Variants in CCDC30 observed in about 807,000 individuals in gnomAD.
The protein encoded by CCDC30 is coiled-coil domain-containing protein 30.
Under a neutral mutation model 100.2 loss-of-function variants are expected in CCDC30, and 70 were observed. The ratio of observed to expected loss-of-function variants is 0.70; its 90% confidence interval spans 0.58 to 0.85. The LOEUF (loss-of-function observed/expected upper bound fraction) is 0.85. Ranked by LOEUF, CCDC30 falls within the 40% of genes least tolerant of loss-of-function variation. CCDC30 has a pLI of 0.00. For missense variants in CCDC30, 652 were observed against 771.2 expected (o/e 0.85, Z 1.83); for synonymous variants, 233 against 269.5 (o/e 0.86, Z 1.33).
At chr1:42,480,070 C>A (rs2148453438) in intron 1 of CCDC30, among the ~76,000 whole-genome samples, 1 of 152,114 alleles carries the variant, frequency 6.6e-6, no homozygotes, top group South Asian at 2.1e-4. Context: ...TGAAAGATGT[C>A]AAGGCAATAT....
chr1:42,645,451 T>A (rs1647808008), intron 14 of CCDC30, among the ~76,000 whole-genome samples: 1 of 151,998 alleles, frequency 6.6e-6, no homozygotes, highest in East Asian at 1.9e-4. Context: ...AGGTCCATAG[T>A]CTGTCTGGTA....
chr1:42,563,711 T>A (rs576618098), intron 6 of CCDC30, among the ~76,000 whole-genome samples: 3 of 152,262 alleles, frequency 2.0e-5, no homozygotes, highest in African/African-American at 7.2e-5. Context: ...ACCCCGTCTC[T>A]ACTAAAAATA....
At chr1:42,522,472 ACTTTT>A (rs1644663270) in intron 6 of CCDC30, among the ~76,000 whole-genome samples, 1 of 152,160 alleles carries the variant, frequency 6.6e-6, no homozygotes, top group Admixed American at 6.6e-5. Context: ...ATAGTAAAAC[ACTTTT>A]CTTTTCTTCT....
intron 6 of CCDC30, among the ~76,000 whole-genome samples, chr1:42,529,407 G>A (rs562815942): frequency 6.6e-6 from 1 of 152,176 alleles, no homozygotes; most frequent in African/African-American, 2.4e-5. Context: ...AGAAGACAGA[G>A]GTTGCAGTGA....
At chr1:42,563,243 G>GTA (rs1645532102) in intron 6 of CCDC30, among the ~76,000 whole-genome samples, 1 of 152,186 alleles carries the variant, frequency 6.6e-6, no homozygotes, top group Non-Finnish European at 1.5e-5. Context: ...AGGAAATGTG[G>GTA]TATATATACA....
intron 3 of CCDC30, among the ~76,000 whole-genome samples, chr1:42,487,308 G>A (rs1216637151): frequency 1.3e-5 from 2 of 152,008 alleles, no homozygotes; most frequent in East Asian, 1.9e-4. Flanking sequence ...AATTTTTAAG[G>A]TATGTAAACT....
chr1:42,574,191 A>G (rs1266457889), intron 7 of CCDC30, among the ~76,000 whole-genome samples: 2 of 151,966 alleles, frequency 1.3e-5, no homozygotes, highest in African/African-American at 2.4e-5. Flanking sequence ...AGTTACAATG[A>G]TTTCTTCTTA....
At chr1:42,521,344 A>T (rs1644643543) in intron 6 of CCDC30, 1 of 154,596 alleles carries the variant, frequency 6.5e-6, no homozygotes, top group Non-Finnish European at 1.5e-5. Flanking sequence ...TGTGTTGTTT[A>T]GTTTCTACAA....
intron 6 of CCDC30, among the ~76,000 whole-genome samples, 197 bp from the exon 9 acceptor site, chr1:42,545,213 A>C: frequency 7.2e-6 from 1 of 138,988 alleles, no homozygotes; most frequent in African/African-American, 2.6e-5. Context: ...CCTTATGCCT[A>C]TGGTAAAAAA....
intron 6 of CCDC30, among the ~76,000 whole-genome samples, chr1:42,565,739 ATG>A (rs149539237): frequency 4.6e-5 from 7 of 151,174 alleles, no homozygotes; most frequent in Non-Finnish European, 4.4e-5. Flanking sequence ...TGCAGAAGTG[ATG>A]TGTGTGTGTG....
At chr1:42,459,441 CA>C, upstream of CCDC30, 1 of 683,856 alleles carries the variant, frequency 1.5e-6, no homozygotes, top group East Asian at 2.7e-5. Context: ...GATTACAGGC[CA>C]AGCCACTGTG....
intron 12 of CCDC30, among the ~76,000 whole-genome samples, chr1:42,639,897 T>C (rs1647265158): frequency 1.3e-5 from 2 of 148,170 alleles, no homozygotes; most frequent in South Asian, 2.1e-4. Flanking sequence ...ACCAGGGAGA[T>C]AGAAGTTGCA....
At chr1:42,594,541 A>T (rs1034018988) in intron 10 of CCDC30, 1 of 152,172 alleles carries the variant, frequency 6.6e-6, no homozygotes, top group African/African-American at 2.4e-5. Context: ...ATTAGAAGCC[A>T]GGAACTTATA....
chr1:42,456,997 C>G, the CCDC30 span: 1 of 1,602,352 alleles, frequency 6.2e-7, no homozygotes, highest in Admixed American at 1.7e-5. Flanking sequence ...CAGGCACCTT[C>G]CTGGCAGTAG....
intron 8 of CCDC30, among the ~76,000 whole-genome samples, chr1:42,579,028 G>A (rs1645904161): frequency 6.6e-6 from 1 of 151,986 alleles, no homozygotes; most frequent in Non-Finnish European, 1.5e-5. Flanking sequence ...GTCTCGCTCT[G>A]TCACCAGACT....
chr1:42,638,034 A>C (rs1347105993), intron 12 of CCDC30, among the ~76,000 whole-genome samples: 2 of 152,174 alleles, frequency 1.3e-5, no homozygotes, highest in Non-Finnish European at 2.9e-5. Context: ...ACACTCAACA[A>C]ATTTTTATAC....
chr1:42,634,829 T>C (rs1647117702), intron 11 of CCDC30, among the ~76,000 whole-genome samples: 1 of 152,198 alleles, frequency 6.6e-6, no homozygotes, highest in African/African-American at 2.4e-5. Flanking sequence ...CCCCATGCTC[T>C]TTAACTATCA....
intron 11 of CCDC30, among the ~76,000 whole-genome samples, chr1:42,626,275 A>G (rs1646932068): frequency 6.6e-6 from 1 of 152,086 alleles, no homozygotes; most frequent in African/African-American, 2.4e-5. Context: ...TTTGTAGGAA[A>G]TAGATCATTG....
chr1:42,537,275 GAA>G (rs1203222053), intron 6 of CCDC30: 1 of 455,938 alleles, frequency 2.2e-6, no homozygotes, highest in Admixed American at 2.4e-5. Flanking sequence ...CCTATATTAT[GAA>G]AAGAGACCTG....
Sources: gnomAD v4.1 joint callset for allele counts (sites outside exome capture counted in the v4.1 genomes callset) on GRCh38, gnomAD v4.1.1 for gene constraint, MANE v1.5 for transcripts, NCBI Gene and HGNC (gene_info 2026-07-23, HGNC 2026-07-21) for gene names.